The following RPH3A variants were observed in gnomAD, a reference collection of about 807,000 sequenced individuals.
RPH3A encodes rabphilin-3A.
RPH3A carries 48 observed loss-of-function variants against 102.2 expected under a neutral mutation model. The observed-to-expected ratio is 0.47, with a 90% CI of 0.37 to 0.60. The LOEUF is 0.60. Ranked by LOEUF, RPH3A falls within the 20% of genes least tolerant of loss-of-function variation. The probability of loss-of-function intolerance (pLI) is 0.00; values close to 1 mark genes in which losing one functional copy is unlikely to be tolerated. For missense variants in RPH3A, 781 were observed against 910.1 expected, an observed-to-expected ratio of 0.86 and a Z score of 1.83; for synonymous variants, 310 against 324.3, an observed-to-expected ratio of 0.96 and a Z score of 0.47.
chr12:112,734,195 C>T (rs2040653015), intron 1 of RPH3A, among the ~76,000 whole-genome samples: 1 of 152,146 alleles, frequency 6.6e-6, no homozygotes, highest in Non-Finnish European at 1.5e-5. Context: ...CTTTGCTATG[C>T]TTAGATATGT....
At chr12:112,751,687 C>T (rs1335202068) in intron 1 of RPH3A, among the ~76,000 whole-genome samples, 4 of 152,072 alleles carry the variant, frequency 2.6e-5, no homozygotes, top group Admixed American at 6.6e-5. Flanking sequence ...GAGGCTGATG[C>T]AGGAGGATTG....
At chr12:112,610,292 TG>T (rs2078885456) in intron 1 of RPH3A, among the ~76,000 whole-genome samples, 1 of 152,034 alleles carries the variant, frequency 6.6e-6, no homozygotes, top group Admixed American at 6.6e-5. Context: ...CACCTGAGGT[TG>T]GGAGTTCGAA....
intron 1 of RPH3A, among the ~76,000 whole-genome samples, chr12:112,588,599 T>C (rs2039455393): frequency 6.6e-6 from 1 of 152,166 alleles, no homozygotes; most frequent in Non-Finnish European, 1.5e-5. Context: ...TATCAATATA[T>C]AAAGTCAAAT....
intron 1 of RPH3A, among the ~76,000 whole-genome samples, chr12:112,780,764 C>T (rs543614380): frequency 6.6e-5 from 10 of 152,232 alleles, no homozygotes; most frequent in African/African-American, 2.2e-4. Context: ...CCTGCAGCTC[C>T]CTATGCGGGT....
intron 4 of RPH3A, 36 bp downstream of exon 4, chr12:112,836,538 A>G (rs1451490273): frequency 4.2e-5 from 47 of 1,131,334 alleles, no homozygotes; most frequent in Non-Finnish European, 5.9e-5. Context: ...TTTATTTTTT[A>G]CAAACTGTAT....
At chr12:112,608,442 T>A (rs2039615041) in intron 1 of RPH3A, among the ~76,000 whole-genome samples, 1 of 152,174 alleles carries the variant, frequency 6.6e-6, no homozygotes. Flanking sequence ...GTCCTGCCCA[T>A]GGTAGATTCT....
chr12:112,863,253 A>C (rs1408893435), intron 5 of RPH3A, among the ~76,000 whole-genome samples: 1 of 152,204 alleles, frequency 6.6e-6, no homozygotes, highest in Admixed American at 6.5e-5. Context: ...TCCCCGTGTC[A>C]TCTGCGTGCA....
At chr12:112,579,414 T>C (rs946804144) in intron 1 of RPH3A, among the ~76,000 whole-genome samples, 1 of 152,178 alleles carries the variant, frequency 6.6e-6, no homozygotes, top group Admixed American at 6.5e-5. Context: ...ACCCGTATCA[T>C]TTGAACTTCA....
At chr12:112,730,280 G>C (rs993765061) in intron 1 of RPH3A, among the ~76,000 whole-genome samples, 1 of 152,234 alleles carries the variant, frequency 6.6e-6, no homozygotes, top group Non-Finnish European at 1.5e-5. Flanking sequence ...TGCACTGGTT[G>C]AGGTCAACAC....
chr12:112,654,051 C>T (rs1013729149), intron 1 of RPH3A, among the ~76,000 whole-genome samples: 1 of 152,204 alleles, frequency 6.6e-6, no homozygotes, highest in African/African-American at 2.4e-5. Flanking sequence ...GGAAGATCTT[C>T]AGGGGCAAGA....
chr12:112,786,110 AG>A (rs2041048931), intron 1 of RPH3A, among the ~76,000 whole-genome samples: 3 of 152,224 alleles, frequency 2.0e-5, no homozygotes, highest in Non-Finnish European at 4.4e-5. Flanking sequence ...ACTGGGAAGT[AG>A]GGAGCTGAAA....
intron 5 of RPH3A, among the ~76,000 whole-genome samples, chr12:112,854,933 A>G (rs2042385680): frequency 6.6e-6 from 1 of 152,236 alleles, no homozygotes; most frequent in East Asian, 1.9e-4. Flanking sequence ...TCAAACATTT[A>G]TTGAAGTTAA....
At chr12:112,590,895 A>G (rs2039472176) in intron 1 of RPH3A, among the ~76,000 whole-genome samples, 1 of 152,078 alleles carries the variant, frequency 6.6e-6, no homozygotes, top group Non-Finnish European at 1.5e-5. Flanking sequence ...CTTAGGTTCA[A>G]GTGATCTTCC....
chr12:112,863,979 C>T (rs911073829), intron 5 of RPH3A, among the ~76,000 whole-genome samples: 1 of 152,174 alleles, frequency 6.6e-6, no homozygotes, highest in African/African-American at 2.4e-5. Context: ...GGTGCCTGGC[C>T]CCGGGGAACT....
At chr12:112,674,503 T>C (rs2040158860) in intron 1 of RPH3A, among the ~76,000 whole-genome samples, 1 of 152,178 alleles carries the variant, frequency 6.6e-6, no homozygotes, top group Non-Finnish European at 1.5e-5. Flanking sequence ...TGGACCTCTT[T>C]TGTTGGATTT....
chr12:112,677,546 C>T (rs372234604), intron 1 of RPH3A, among the ~76,000 whole-genome samples: 1 of 150,006 alleles, frequency 6.7e-6, no homozygotes. Context: ...ATGATCCACC[C>T]GCCTCAGCCT....
At chr12:112,750,740 T>G (rs911780611) in intron 1 of RPH3A, among the ~76,000 whole-genome samples, 1 of 152,202 alleles carries the variant, frequency 6.6e-6, no homozygotes, top group Admixed American at 6.5e-5. Flanking sequence ...GAATCTACTT[T>G]CACTCCAGGA....
chr12:112,839,685 G>GAAAT (rs1392171723), intron 4 of RPH3A, among the ~76,000 whole-genome samples: 4 of 152,282 alleles, frequency 2.6e-5, no homozygotes, highest in Non-Finnish European at 5.9e-5. Flanking sequence ...TAGATTTAAG[G>GAAAT]AGTAGGAAAA....
At chr12:112,811,915 A>C (rs2041583262) in intron 2 of RPH3A, among the ~76,000 whole-genome samples, 1 of 152,174 alleles carries the variant, frequency 6.6e-6, no homozygotes, top group Admixed American at 6.5e-5. Context: ...CCAGAGGCTC[A>C]ACAATAGGCT....
Sources: gnomAD v4.1 joint callset for allele counts (sites outside exome capture counted in the v4.1 genomes callset) on GRCh38, gnomAD v4.1.1 for gene constraint, MANE v1.5 for transcripts, NCBI Gene and HGNC (gene_info 2026-07-23, HGNC 2026-07-21) for gene names.